TPRG1: variants seen among roughly 807,000 people sequenced by gnomAD.
TPRG1 encodes the protein tumor protein p63-regulated gene 1 protein.
Under a neutral mutation model 29.3 loss-of-function variants are expected in TPRG1, and 29 were observed. The observed-to-expected ratio is 0.99, with a 90% CI of 0.74 to 1.35. The LOEUF is 1.35. Among genes scored for constraint, TPRG1 ranks in the 40% most tolerant of loss-of-function variants. TPRG1 has a pLI of 0.00. For missense variants in TPRG1, 327 were observed against 335.0 expected, an observed-to-expected ratio of 0.98 and a Z score of 0.19; for synonymous variants, 130 against 116.8, an observed-to-expected ratio of 1.11 and a Z score of -0.73.
chr3:189,106,958 A>G (rs1309372972), intron 1 of TPRG1, among the ~76,000 whole-genome samples: 2 of 152,142 alleles, frequency 1.3e-5, no homozygotes, highest in Non-Finnish European at 2.9e-5. Flanking sequence ...TTAAAAAATA[A>G]TATTAGTCTC....
intron 4 of TPRG1, among the ~76,000 whole-genome samples, chr3:189,063,462 CT>C (rs1283053334): frequency 3.3e-5 from 5 of 151,990 alleles, no homozygotes; most frequent in East Asian, 1.9e-4. Flanking sequence ...GCAGAATAAA[CT>C]TTTTTTCAAG....
At chr3:189,139,102 T>A (rs1188912711) in intron 3 of TPRG1, among the ~76,000 whole-genome samples, 1 of 152,188 alleles carries the variant, frequency 6.6e-6, no homozygotes, top group Non-Finnish European at 1.5e-5. Context: ...ACCATGTGGT[T>A]TACTGTATGC....
chr3:189,048,891 T>C (rs1715135129), intron 4 of TPRG1, among the ~76,000 whole-genome samples: 1 of 152,136 alleles, frequency 6.6e-6, no homozygotes, highest in African/African-American at 2.4e-5. Flanking sequence ...GCTGAAGATC[T>C]GTTTGCAGGA....
At position 189,306,920 on chromosome 3, in the gene TPRG1, A is replaced by G. The variant is rs1460944459; in HGVS notation, c.480-3466A>G. 2.6e-5 allele frequency among the ~76,000 whole-genome samples: 4 copies of G among 152,366 alleles called. No individual in the cohort carries two copies. The East Asian group carries it at 7.7e-4, about 29-fold the overall frequency. On this transcript the variant is annotated intron_variant, in intron 4 of 5. Coordinates refer to ENST00000345063, the MANE Select transcript of TPRG1 (RefSeq NM_198485.4). ...ATTTATACCGAGTATAATTTCAGAA[A>G]GAAAACTTCCAAATATTTATTTGCT...
At chr3:189,134,909 C>T (rs533255351) in intron 3 of TPRG1, among the ~76,000 whole-genome samples, 179 of 152,234 alleles carry the variant, frequency 1.2e-3, no homozygotes, top group African/African-American at 3.9e-3. Context: ...AAGGAATGTA[C>T]GCAGTTTTCT....
At chr3:189,171,819 G>A (rs796138808), upstream of TPRG1, among the ~76,000 whole-genome samples, 16 of 152,260 alleles carry the variant, frequency 1.1e-4, no homozygotes, top group African/African-American at 3.6e-4. Flanking sequence ...ACTTCTTGAG[G>A]GAGAGGACAG....
intron 5 of TPRG1, among the ~76,000 whole-genome samples, chr3:189,318,827 T>C (rs1485315479): frequency 6.6e-6 from 1 of 152,176 alleles, no homozygotes; most frequent in Non-Finnish European, 1.5e-5. Flanking sequence ...ATGAATGTAA[T>C]ATTTTCTCCC....
intron 4 of TPRG1, among the ~76,000 whole-genome samples, chr3:189,046,950 C>T (rs1038715875): frequency 3.3e-5 from 5 of 152,132 alleles, no homozygotes; most frequent in African/African-American, 9.7e-5. Flanking sequence ...AATGAGTTCT[C>T]ACTGAACGCA....
At position 189,298,234 on chromosome 3, in the gene TPRG1, C is replaced by T. The variant is rs1362825623; in HGVS notation, c.480-12152C>T. Among the ~76,000 whole-genome samples the T allele has an allele frequency of 2.6e-5, 4 of 151,978 alleles. No homozygotes were observed. The East Asian group carries it at 5.8e-4, about 22-fold the overall frequency. ...TTTTACACCATTTTCCTTCTTTGCCCGCCTGAATTTCTGATTTAACAGGTT... is the reference window on the plus strand; with the variant it reads ...TTTTACACCATTTTCCTTCTTTGCCTGCCTGAATTTCTGATTTAACAGGTT... On this transcript the variant is annotated intron_variant, in intron 4 of 5. Coordinates refer to ENST00000345063, the MANE Select transcript of TPRG1 (RefSeq NM_198485.4).
chr3:189,114,300 A>G (rs1410224450), intron 1 of TPRG1, among the ~76,000 whole-genome samples: 3 of 150,502 alleles, frequency 2.0e-5, no homozygotes, highest in Non-Finnish European at 2.9e-5. Flanking sequence ...TGTTTGTTTT[A>G]AGATGGAGTC....
intron 4 of TPRG1, among the ~76,000 whole-genome samples, chr3:189,265,976 A>C (rs539614789): frequency 5.0e-4 from 76 of 152,282 alleles, no homozygotes; most frequent in African/African-American, 1.8e-3. Flanking sequence ...ACCTCCATTG[A>C]ATAGGAGAAG....
chr3:189,310,329 T>C (rs1722282212), intron 4 of TPRG1, 57 bp from the exon 5 acceptor site: 1 of 613,046 alleles, frequency 1.6e-6, no homozygotes, highest in Admixed American at 6.2e-5. Flanking sequence ...TTACATTCTA[T>C]TTTTTTTTTT....
intron 4 of TPRG1, among the ~76,000 whole-genome samples, chr3:189,043,798 T>A (rs1439357379): frequency 6.6e-6 from 1 of 152,076 alleles, no homozygotes; most frequent in Admixed American, 6.5e-5. Context: ...TGGGTTGTGA[T>A]CCAAAGCTTA....
intron 4 of TPRG1, among the ~76,000 whole-genome samples, chr3:189,266,259 T>C (rs1222437562): frequency 6.6e-6 from 1 of 152,246 alleles, no homozygotes; most frequent in African/African-American, 2.4e-5. Flanking sequence ...TTCCTTTTAC[T>C]TTCCAATTTG....
At chr3:189,057,796 G>T (rs950930125) in intron 4 of TPRG1, among the ~76,000 whole-genome samples, 33 of 140,940 alleles carry the variant, frequency 2.3e-4, no homozygotes, top group African/African-American at 8.1e-4. Context: ...ATATTTATGG[G>T]TATGTATGTA....
chr3:189,071,543 A>T (rs1215456318), intron 4 of TPRG1, among the ~76,000 whole-genome samples: 4 of 152,148 alleles, frequency 2.6e-5, no homozygotes, highest in Admixed American at 2.0e-4. Context: ...ACACACACAG[A>T]CACACACACA....
At chr3:189,124,554 GTGTA>G (rs1395666370) in intron 1 of TPRG1, among the ~76,000 whole-genome samples, 4 of 151,282 alleles carry the variant, frequency 2.6e-5, no homozygotes, top group Non-Finnish European at 5.9e-5. Flanking sequence ...GTGTGTGTGT[GTGTA>G]TATATATATA....
intron 4 of TPRG1, among the ~76,000 whole-genome samples, chr3:189,254,419 T>C (rs1219308483): frequency 6.6e-6 from 1 of 152,244 alleles, no homozygotes; most frequent in East Asian, 1.9e-4. Flanking sequence ...TTTTGGTTAC[T>C]GTAGCCTTGT....
chr3:189,294,751 G>A (rs1265536388), intron 4 of TPRG1, among the ~76,000 whole-genome samples: 6 of 152,038 alleles, frequency 3.9e-5, no homozygotes, highest in Non-Finnish European at 5.9e-5. Flanking sequence ...ATGAAGATGT[G>A]TAGACCATGT....
Sources: gnomAD v4.1 joint callset for allele counts (sites outside exome capture counted in the v4.1 genomes callset) on GRCh38, gnomAD v4.1.1 for gene constraint, MANE v1.5 for transcripts, NCBI Gene and HGNC (gene_info 2026-07-23, HGNC 2026-07-21) for gene names.